ZNF462: variants seen among roughly 807,000 people sequenced by gnomAD.
ZNF462 encodes zinc finger protein 462.
In ZNF462, 10 loss-of-function variants were observed where a neutral mutation model predicts 201.9. The observed-to-expected ratio is 0.05, with a 90% CI of 0.03 to 0.08. ZNF462 has a LOEUF of 0.08. Ranked by LOEUF, ZNF462 falls within the 10% of genes least tolerant of loss-of-function variation. ZNF462 has a pLI of 1.00. For missense variants in ZNF462, 2,523 were observed against 3,168.3 expected (o/e 0.80, Z 4.89); for synonymous variants, 1,227 against 1,193.3 (o/e 1.03, Z -0.58).
At chr9:106,901,801 C>G (rs1829075072) in intron 1 of ZNF462, among the ~76,000 whole-genome samples, 1 of 152,120 alleles carries the variant, frequency 6.6e-6, no homozygotes, top group Non-Finnish European at 1.5e-5. Flanking sequence ...TTTATCAGTT[C>G]TAGGAGATTT....
chr9:106,911,572 A>G (rs1006922695), intron 1 of ZNF462, among the ~76,000 whole-genome samples: 1 of 152,236 alleles, frequency 6.6e-6, no homozygotes, highest in African/African-American at 2.4e-5. Flanking sequence ...TTCTTTGGTG[A>G]TGCTGATGCT....
chr9:106,889,370 C>A (rs1336565902), intron 1 of ZNF462, among the ~76,000 whole-genome samples: 1 of 152,172 alleles, frequency 6.6e-6, no homozygotes, highest in Non-Finnish European at 1.5e-5. Context: ...GTTACTGTCA[C>A]TGCTGCTGTC....
chr9:106,884,487 T>A (rs1440296361), intron 1 of ZNF462, among the ~76,000 whole-genome samples: 2 of 152,052 alleles, frequency 1.3e-5, no homozygotes, highest in East Asian at 3.9e-4. Flanking sequence ...ACTGAGTGAT[T>A]TAGGTTTGGG....
At chr9:106,879,597 T>A (rs765960765) in intron 1 of ZNF462, among the ~76,000 whole-genome samples, 1 of 152,136 alleles carries the variant, frequency 6.6e-6, no homozygotes, top group Non-Finnish European at 1.5e-5. Context: ...AATCCCATTG[T>A]ATGTCCCTTT....
chr9:107,006,165 AG>A lies in ZNF462; in HGVS notation c.7189+2742del, dbSNP rs1280714970. On this transcript the variant is annotated intron_variant, in intron 11 of 12. Coordinates refer to ENST00000277225, the MANE Select transcript of ZNF462 (RefSeq NM_021224.6). The surrounding 1 kb of genome is among the most constrained non-coding windows in gnomAD (Gnocchi z 4.3). ...TTGTTTAAGATTTCTTTGGCTATCCAGGGTGTGGTTCCATGGGTTGTTGTAA... is the reference window on the plus strand; with the variant it reads ...TTGTTTAAGATTTCTTTGGCTATCCAGGTGTGGTTCCATGGGTTGTTGTAA... Among the ~76,000 whole-genome samples the A allele has an allele frequency of 5.3e-5, 8 of 152,170 alleles. No individual in the cohort carries two copies. The highest frequency in any genetic ancestry group is 1.5e-5 in the Non-Finnish European group (1 of 68,018).
intron 7 of ZNF462, among the ~76,000 whole-genome samples, chr9:106,964,321 G>A (rs532324926): frequency 6.6e-6 from 1 of 152,068 alleles, no homozygotes; most frequent in South Asian, 2.1e-4. Flanking sequence ...CCACAGCCTT[G>A]CCAGCACTTA....
intron 7 of ZNF462, among the ~76,000 whole-genome samples, chr9:106,957,552 T>C (rs917061316): frequency 1.3e-5 from 2 of 152,102 alleles, no homozygotes; most frequent in Admixed American, 6.6e-5. Flanking sequence ...ATGTAATATT[T>C]TGTAGTGCAA....
At chr9:106,873,034 C>T (rs1027042737) in intron 1 of ZNF462, among the ~76,000 whole-genome samples, 3 of 152,164 alleles carry the variant, frequency 2.0e-5, no homozygotes, top group African/African-American at 4.8e-5. Context: ...GGAGTGGGGA[C>T]TGCCTCCAGA....
Position 106,938,776 on chromosome 9 carries a change from T to A in ZNF462, c.6236-140T>A, listed in dbSNP as rs1830739223. On this transcript the variant is annotated intron_variant, in intron 6 of 12. Coordinates refer to ENST00000277225, the MANE Select transcript of ZNF462 (RefSeq NM_021224.6). The surrounding 1 kb of genome is among the most constrained non-coding windows in gnomAD (Gnocchi z 4.4). The stretch of plus-strand genomic sequence containing the variant: ...CTGTGGTTGTGGCAGGTTGTTGGTC[T>A]GTGAGGTTCGTTCATAGAACATGAA... The A allele has an allele frequency of 1.2e-6, 1 of 813,466 alleles. No individual in the cohort carries two copies. Among genetic ancestry groups the A allele is most frequent in the Non-Finnish European group, 1.9e-6 (1 of 532,838 alleles). The allele number at this position is 813,466 out of a possible 1,614,324, so 50.4% of individuals were successfully genotyped here. A position where few individuals can be genotyped will look rare whatever the true frequency, so the allele number is the denominator to read the frequency against.
chr9:106,986,634 T>C (rs778538559), intron 10 of ZNF462, among the ~76,000 whole-genome samples: 3 of 152,156 alleles, frequency 2.0e-5, no homozygotes, highest in African/African-American at 4.8e-5. Flanking sequence ...TATTTTTCCA[T>C]TGAGTATTGC....
chr9:106,987,159 T>C (rs1056697200), intron 10 of ZNF462, among the ~76,000 whole-genome samples: 1 of 152,298 alleles, frequency 6.6e-6, no homozygotes, highest in African/African-American at 2.4e-5. Flanking sequence ...AATAGTGACT[T>C]TTCCTCTGGG....
intron 11 of ZNF462, among the ~76,000 whole-genome samples, chr9:107,004,425 T>C (rs938870335): frequency 6.6e-6 from 1 of 152,158 alleles, no homozygotes; most frequent in African/African-American, 2.4e-5. Context: ...TTCTGCTACT[T>C]ACTGTCTAGA....
intron 11 of ZNF462, among the ~76,000 whole-genome samples, chr9:107,007,171 G>A (rs1472995598): frequency 6.6e-6 from 1 of 152,132 alleles, no homozygotes; most frequent in Non-Finnish European, 1.5e-5. Flanking sequence ...AGCTGAGCAT[G>A]TGTGATTTCA....
intron 1 of ZNF462, among the ~76,000 whole-genome samples, chr9:106,887,730 G>A (rs1588001779): frequency 6.6e-6 from 1 of 152,228 alleles, no homozygotes; most frequent in East Asian, 1.9e-4. Context: ...TGAATTCACA[G>A]GGGTCATGAT....
intron 7 of ZNF462, among the ~76,000 whole-genome samples, chr9:106,944,622 G>A (rs1343216928): frequency 6.6e-6 from 1 of 152,096 alleles, no homozygotes; most frequent in African/African-American, 2.4e-5. Flanking sequence ...ACAATCAGTT[G>A]TTGTTTATTC....
chr9:106,987,486 T>G (rs1021148612), intron 10 of ZNF462, among the ~76,000 whole-genome samples: 1 of 152,204 alleles, frequency 6.6e-6, no homozygotes, highest in Non-Finnish European at 1.5e-5. Flanking sequence ...TGTCTATTCA[T>G]GTCCTTAGCC....
In ZNF462 at chr9:106,924,352, C is replaced by A; in HGVS notation, c.440C>A (p.Ser147Tyr). ...GSSSGPPVPG[S>Y]LNYNIMMHEG... The stretch of plus-strand genomic sequence containing the variant: ...TCATCAGGACCCCCTGTCCCGGGAT[C>A]CTTAAATTATAATATCATGATGCAC... Residue 147 changes from serine to tyrosine, a missense_variant, in exon 3 of 13, where the codon TCC becomes TAC. Coordinates refer to ENST00000277225, the MANE Select transcript of ZNF462 (RefSeq NM_021224.6). This position sits in a 1 kb window ranked among gnomAD's most constrained non-coding sequence, Gnocchi z 6.2. The A allele has an allele frequency of 6.2e-7, 1 of 1,614,074 alleles. No homozygotes were observed. Among genetic ancestry groups the A allele is most frequent in the East Asian group, 2.2e-5 (1 of 44,882 alleles).
At chr9:106,931,879 C>T (rs1490437800) in intron 4 of ZNF462, among the ~76,000 whole-genome samples, 1 of 152,200 alleles carries the variant, frequency 6.6e-6, no homozygotes, top group South Asian at 2.1e-4. Context: ...GCTTTTCTTT[C>T]TCTTCCTTTC....
chr9:106,921,653 C>T (rs1829997374), intron 1 of ZNF462, among the ~76,000 whole-genome samples: 1 of 152,154 alleles, frequency 6.6e-6, no homozygotes, highest in Non-Finnish European at 1.5e-5. Flanking sequence ...ATGGGGAGTG[C>T]ACACTGGATG....
Sources: gnomAD v4.1 joint callset for allele counts (sites outside exome capture counted in the v4.1 genomes callset) on GRCh38, gnomAD v4.1.1 for gene constraint, Gnocchi (gnomAD v3.1) non-coding constraint, MANE v1.5 for transcripts, NCBI Gene and HGNC (gene_info 2026-07-23, HGNC 2026-07-21) for gene names.